The following RBFOX1 variants were observed in gnomAD, a reference collection of about 807,000 sequenced individuals.
RBFOX1 encodes the protein RNA binding fox-1 homolog 1, also known as RNA binding protein fox-1 homolog 1.
A neutral mutation model predicts 57.7 loss-of-function variants in RBFOX1; 8 were observed. The observed-to-expected ratio is 0.14, with a 90% CI of 0.08 to 0.25. The LOEUF (loss-of-function observed/expected upper bound fraction) is 0.25, where lower values mean the gene tolerates loss of function less well. Among genes scored for constraint, RBFOX1 ranks in the 10% least tolerant of loss-of-function variants. The pLI is 1.00. For missense variants in RBFOX1, 611 were observed against 548.5 expected, an observed-to-expected ratio of 1.11 and a Z score of -1.14; for synonymous variants, 326 against 222.4, an observed-to-expected ratio of 1.47 and a Z score of -4.15.
At chr16:7,656,701 T>C (rs1268729679) in intron 12 of RBFOX1, among the ~76,000 whole-genome samples, 2 of 152,150 alleles carry the variant, frequency 1.3e-5, no homozygotes, top group Non-Finnish European at 2.9e-5. Flanking sequence ...TTTTAGGCAC[T>C]GTTGTGTGCT....
At chr16:6,487,512 T>C (rs9936491) in intron 2 of RBFOX1, among the ~76,000 whole-genome samples, 11,750 of 151,040 alleles carry the variant, frequency 0.078, 541 homozygotes, top group Middle Eastern at 0.11. Flanking sequence ...TTTGGTTGGG[T>C]TTAAAAGAAA....
intron 3 of RBFOX1, among the ~76,000 whole-genome samples, chr16:6,658,917 T>C (rs1568088491): frequency 8.0e-6 from 1 of 124,460 alleles, no homozygotes; most frequent in African/African-American, 2.9e-5. Flanking sequence ...TTTTTGTTTT[T>C]TTGTTTTTTG....
In RBFOX1 at chr16:6,420,799, T is replaced by C. The variant is rs1174510813; in HGVS notation, c.-64+103742T>C. Among the ~76,000 whole-genome samples, 6 of 152,266 alleles carry C rather than the reference T, an allele frequency of 3.9e-5. No individual in the cohort carries two copies. The East Asian group carries it at 1.2e-3, about 29-fold the overall frequency. On this transcript the variant is annotated intron_variant, in intron 2 of 15. Coordinates refer to ENST00000550418, the MANE Select transcript of RBFOX1 (RefSeq NM_018723.4). ...AGAGAGATGATTCAAGAGGCAAAGA[T>C]TGGGGAAATGAAGAAGACTTATTTG...
intron 2 of RBFOX1, among the ~76,000 whole-genome samples, chr16:6,443,385 C>G (rs1057397480): frequency 1.4e-5 from 2 of 146,360 alleles, no homozygotes; most frequent in Admixed American, 6.6e-5. Flanking sequence ...TTCTGTTGCT[C>G]ATTTTCCCAT....
intron 3 of RBFOX1, among the ~76,000 whole-genome samples, chr16:6,910,501 C>G (rs2071289954): frequency 6.6e-6 from 1 of 152,154 alleles, no homozygotes; most frequent in Admixed American, 6.5e-5. Flanking sequence ...GTTAATCACT[C>G]AAACAACCTA....
chr16:5,816,480 C>G (rs948961847), intron 3 of RBFOX1, among the ~76,000 whole-genome samples: 7 of 152,156 alleles, frequency 4.6e-5, no homozygotes, highest in African/African-American at 1.7e-4. Flanking sequence ...GAAACTAGAC[C>G]TTGCATCTCC....
chr16:5,698,785 T>C (rs1014812920), intron 3 of RBFOX1, among the ~76,000 whole-genome samples: 1 of 152,226 alleles, frequency 6.6e-6, no homozygotes, highest in Non-Finnish European at 1.5e-5. Flanking sequence ...AATGAGGTAC[T>C]GAAATAGGCT....
At chr16:7,619,451 G>A (rs949116654) in intron 10 of RBFOX1, among the ~76,000 whole-genome samples, 1 of 152,122 alleles carries the variant, frequency 6.6e-6, no homozygotes, top group Non-Finnish European at 1.5e-5. Context: ...ATTGAAAGGT[G>A]ACGTGTATTT....
At chr16:7,302,891 G>C (rs1011215149) in intron 4 of RBFOX1, among the ~76,000 whole-genome samples, 2 of 152,048 alleles carry the variant, frequency 1.3e-5, no homozygotes, top group Non-Finnish European at 2.9e-5. Context: ...GGGGAGGGGA[G>C]ACCCGTTTGC....
intron 2 of RBFOX1, among the ~76,000 whole-genome samples, chr16:6,639,430 G>A (rs962284849): frequency 2.6e-5 from 4 of 152,140 alleles, no homozygotes; most frequent in African/African-American, 9.7e-5. Flanking sequence ...TGCATCTTTT[G>A]TGGCCAGTAG....
chr16:7,613,985 G>A (rs1345965612), intron 10 of RBFOX1, among the ~76,000 whole-genome samples: 1 of 152,166 alleles, frequency 6.6e-6, no homozygotes, highest in Admixed American at 6.5e-5. Context: ...GGATGAAAGA[G>A]CACAGTGTGG....
chr16:6,688,920 G>T (rs565839681), intron 3 of RBFOX1, among the ~76,000 whole-genome samples: 7 of 152,168 alleles, frequency 4.6e-5, no homozygotes, highest in Admixed American at 1.3e-4. Flanking sequence ...AGTTTCCTGA[G>T]AATGATGGTT....
intron 2 of RBFOX1, among the ~76,000 whole-genome samples, chr16:5,544,420 A>G (rs974546462): frequency 6.6e-6 from 1 of 152,224 alleles, no homozygotes; most frequent in Non-Finnish European, 1.5e-5. Flanking sequence ...GGATACTGTT[A>G]GAAAGGGAAA....
At chr16:6,556,380 A>T (rs1357067723) in intron 2 of RBFOX1, among the ~76,000 whole-genome samples, 1 of 152,172 alleles carries the variant, frequency 6.6e-6, no homozygotes, top group African/African-American at 2.4e-5. Context: ...CTCTCCTTTT[A>T]TTCTGATGAT....
At chr16:6,124,304 C>G (rs1162810757) in intron 1 of RBFOX1, among the ~76,000 whole-genome samples, 2 of 152,170 alleles carry the variant, frequency 1.3e-5, no homozygotes, top group African/African-American at 2.4e-5. Context: ...CCTACAGAAG[C>G]TTGCAGTTAT....
At chr16:6,500,348 G>A (rs565514150) in intron 2 of RBFOX1, among the ~76,000 whole-genome samples, 65 of 152,182 alleles carry the variant, frequency 4.3e-4, no homozygotes, top group African/African-American at 1.3e-3. Context: ...ATGGATGCAC[G>A]TGTGCACATA....
At chr16:6,673,991 T>C (rs1329305611) in intron 3 of RBFOX1, among the ~76,000 whole-genome samples, 2 of 152,102 alleles carry the variant, frequency 1.3e-5, no homozygotes, top group East Asian at 3.9e-4. Context: ...GGAGAAACAG[T>C]GAGGGAGGAA....
intron 3 of RBFOX1, among the ~76,000 whole-genome samples, chr16:6,743,172 A>C (rs1011470266): frequency 6.6e-6 from 1 of 152,218 alleles, no homozygotes; most frequent in African/African-American, 2.4e-5. Context: ...CCCACTAAAA[A>C]GATGAAATGT....
At chr16:7,367,304 A>T (rs1261411329) in intron 4 of RBFOX1, among the ~76,000 whole-genome samples, 1 of 152,194 alleles carries the variant, frequency 6.6e-6, no homozygotes, top group East Asian at 1.9e-4. Context: ...GTTTGTAGTC[A>T]TCATCATGTT....
Sources: gnomAD v4.1 joint callset for allele counts (sites outside exome capture counted in the v4.1 genomes callset) on GRCh38, gnomAD v4.1.1 for gene constraint, MANE v1.5 for transcripts, NCBI Gene and HGNC (gene_info 2026-07-23, HGNC 2026-07-21) for gene names.